UNC13B: variants seen among roughly 807,000 people sequenced by gnomAD.
UNC13B encodes the protein unc-13 homolog B, also known as protein unc-13 homolog B.
A neutral mutation model predicts 211.0 loss-of-function variants in UNC13B; 144 were observed. The observed-to-expected ratio is 0.68, with a 90% CI of 0.60 to 0.78. UNC13B has a LOEUF of 0.78. UNC13B is among the 30% of genes least tolerant of loss of function. UNC13B has a pLI of 0.00. For synonymous variants in UNC13B, 709 were observed against 725.8 expected (o/e 0.98, Z 0.37); for missense variants, 1,777 against 2,002.0 (o/e 0.89, Z 2.14).
In UNC13B at chr9:35,304,203, A is replaced by G; in HGVS notation, c.4799A>G (p.Tyr1600Cys). The change falls in exon 9 of 40, where the codon TAT (tyrosine) becomes TGT (cysteine). Residue 1600 changes from tyrosine (Y) to cysteine (C), a missense_variant. Physicochemically the swap from Tyr to Cys is radical, Grantham distance 194 (BLOSUM62 -2). Coordinates refer to ENST00000635942, the MANE Select transcript of UNC13B (RefSeq NM_001371189.2). ...VLDKEDEIFWYVEEEPIDDPL... is the reference protein window; with the variant it reads ...VLDKEDEIFWCVEEEPIDDPL... ...GATAAGGAAGATGAAATATTTTGGT[A>G]TGTTGAAGAGGAACCAATTGATGAC... The G allele has an allele frequency of 2.5e-6, 1 of 398,810 alleles. No homozygotes were observed. Among genetic ancestry groups the G allele is most frequent in the Non-Finnish European group, 4.4e-6 (1 of 225,890 alleles). 24.7% of individuals were successfully genotyped at this position (398,810 alleles called of 1,614,324 possible). A position where few individuals can be genotyped will look rare whatever the true frequency, so the allele number is the denominator to read the frequency against.
chr9:35,353,408 C>T (rs1832841524), intron 11 of UNC13B: 11 of 1,232,246 alleles, frequency 8.9e-6, no homozygotes, highest in African/African-American at 3.1e-5. Context: ...CAGTGATCGA[C>T]TTCTTGGGAC....
At chr9:35,352,503 A>G (rs952002375) in intron 11 of UNC13B, 14 of 1,231,966 alleles carry the variant, frequency 1.1e-5, no homozygotes, top group African/African-American at 1.6e-5. Flanking sequence ...CAACAACAAC[A>G]TCAGGATTAT....
At chr9:35,360,402 A>G (rs1833331287) in intron 11 of UNC13B, 1 of 152,268 alleles carries the variant, frequency 6.6e-6, no homozygotes, top group African/African-American at 2.4e-5. Flanking sequence ...AGTGGAGGTA[A>G]TAATGGTATT....
At chr9:35,278,688 G>A (rs1407729278) in intron 7 of UNC13B, among the ~76,000 whole-genome samples, 2 of 151,638 alleles carry the variant, frequency 1.3e-5, no homozygotes, top group Non-Finnish European at 2.9e-5. Context: ...ATAGGTAGCT[G>A]ATTCTTGTTT....
intron 11 of UNC13B, among the ~76,000 whole-genome samples, chr9:35,319,713 T>C (rs1011147731): frequency 6.6e-6 from 1 of 151,932 alleles, no homozygotes; most frequent in South Asian, 2.1e-4. Flanking sequence ...CAGGCTGGAG[T>C]GCACGGGCAT....
intron 1 of UNC13B, among the ~76,000 whole-genome samples, chr9:35,225,280 C>A (rs1039374058): frequency 1.4e-4 from 22 of 152,218 alleles, no homozygotes; most frequent in Non-Finnish European, 2.5e-4. Flanking sequence ...CCCACCCCAG[C>A]CCCCCGAGTA....
At chr9:35,221,390 A>T (rs1404553024) in intron 1 of UNC13B, among the ~76,000 whole-genome samples, 2 of 152,182 alleles carry the variant, frequency 1.3e-5, no homozygotes, top group Admixed American at 6.5e-5. Flanking sequence ...GTTTTGACAA[A>T]TATCTATTCA....
Position 35,258,473 on chromosome 9 carries a change from G to C in UNC13B, c.469-520G>C, listed in dbSNP as rs559836519. 1.6e-4 allele frequency among the ~76,000 whole-genome samples: 24 copies of C among 152,264 alleles called. 1 individual carries two copies. The highest frequency in any genetic ancestry group is 6.2e-4 in the South Asian group (3 of 4,818). Reference sequence around the variant, plus strand: ...GGATGGCGGAGGTTACAGTGCTAGTGGGAGAGGAACTCTTATAAATACCAG... The same window carrying C: ...GGATGGCGGAGGTTACAGTGCTAGTCGGAGAGGAACTCTTATAAATACCAG... On this transcript the variant is annotated intron_variant, in intron 6 of 39. Coordinates refer to ENST00000635942, the MANE Select transcript of UNC13B (RefSeq NM_001371189.2).
Position 35,212,339 on chromosome 9 carries a change from G to A in UNC13B, c.23-15676G>A, listed in dbSNP as rs1339607269. 3.9e-5 allele frequency among the ~76,000 whole-genome samples: 6 copies of A among 152,324 alleles called. No individual in the cohort carries two copies. In the East Asian group the frequency reaches 7.7e-4, roughly 20 times the overall value. ...TGTAATCCCAGGACTTTGGGAGGCC[G>A]AGATTAGTGGATCGCTTGAGGCTAG... On this transcript the variant is annotated intron_variant, in intron 1 of 39. Transcript: ENST00000635942.
At chr9:35,289,320 A>G (rs1828965574) in intron 7 of UNC13B, among the ~76,000 whole-genome samples, 1 of 152,244 alleles carries the variant, frequency 6.6e-6, no homozygotes, top group African/African-American at 2.4e-5. Context: ...TCACACACTC[A>G]GAACCAGTTT....
chr9:35,262,535 C>T (rs952537917), intron 7 of UNC13B, among the ~76,000 whole-genome samples: 6 of 152,034 alleles, frequency 3.9e-5, no homozygotes, highest in African/African-American at 1.4e-4. Context: ...CCAGGCTGTT[C>T]TTGAACTCCT....
intron 1 of UNC13B, among the ~76,000 whole-genome samples, chr9:35,181,336 T>A (rs1821927905): frequency 6.6e-6 from 1 of 152,180 alleles, no homozygotes; most frequent in East Asian, 1.9e-4. Context: ...CTAAAAAAAA[T>A]TCACTGAATG....
intron 1 of UNC13B, among the ~76,000 whole-genome samples, chr9:35,175,595 T>C (rs1821579239): frequency 6.6e-6 from 1 of 152,080 alleles, no homozygotes; most frequent in Admixed American, 6.6e-5. Flanking sequence ...ACAAGGACAG[T>C]TTCATTTGGG....
chr9:35,401,627 C>A (rs1836305977), intron 37 of UNC13B, among the ~76,000 whole-genome samples: 1 of 152,158 alleles, frequency 6.6e-6, no homozygotes, highest in Non-Finnish European at 1.5e-5. Flanking sequence ...CATTTTCTAC[C>A]CGTTGCTTTA....
chr9:35,367,603 C>G (rs1411449014), intron 12 of UNC13B, among the ~76,000 whole-genome samples: 1 of 151,498 alleles, frequency 6.6e-6, no homozygotes, highest in Admixed American at 6.6e-5. Context: ...CTTATTCATT[C>G]TATCCATTCC....
chr9:35,237,688 A>G lies in UNC13B; in HGVS notation c.271-15A>G. ...AAGAAAGATTAAACTTTAATCTTAG[A>G]TCTTTGTTTCCTAGGAAGGGCCTGG... On this transcript the variant is annotated splice_polypyrimidine_tract_variant and intron_variant, in intron 4 of 39. Coordinates refer to ENST00000635942, the MANE Select transcript of UNC13B (RefSeq NM_001371189.2). 6.2e-7 allele frequency: 1 copy of G among 1,608,674 alleles called. No individual in the cohort carries two copies. Among genetic ancestry groups the G allele is most frequent in the South Asian group, 1.1e-5 (1 of 89,458 alleles).
At chr9:35,327,534 G>A (rs1358742811) in intron 11 of UNC13B, among the ~76,000 whole-genome samples, 1 of 152,180 alleles carries the variant, frequency 6.6e-6, no homozygotes, top group Non-Finnish European at 1.5e-5. Context: ...AGAAAACTCA[G>A]CAAGCAAATT....
At chr9:35,398,720 C>T in intron 32 of UNC13B, 78 bp downstream of exon 32, 1 of 1,565,622 alleles carries the variant, frequency 6.4e-7, no homozygotes, top group South Asian at 1.1e-5. Context: ...CCCCACACCT[C>T]TCCATATAGC....
intron 5 of UNC13B, among the ~76,000 whole-genome samples, chr9:35,239,074 C>A (rs1364672351): frequency 6.6e-6 from 1 of 152,070 alleles, no homozygotes; most frequent in Non-Finnish European, 1.5e-5. Flanking sequence ...AAAGGTTATA[C>A]CAATTTATAC....
Sources: gnomAD v4.1 joint callset for allele counts (sites outside exome capture counted in the v4.1 genomes callset) on GRCh38, gnomAD v4.1.1 for gene constraint, MANE v1.5 for transcripts, NCBI Gene and HGNC (gene_info 2026-07-23, HGNC 2026-07-21) for gene names.